PGM2L1: variants seen among roughly 807,000 people sequenced by gnomAD.
PGM2L1 encodes glucose 1,6-bisphosphate synthase.
In PGM2L1, 35 loss-of-function variants were observed where a neutral mutation model predicts 73.4. The ratio of observed to expected loss-of-function variants is 0.48; its 90% CI spans 0.36 to 0.63. The LOEUF (loss-of-function observed/expected upper bound fraction) is 0.63, where lower values mean the gene tolerates loss of function less well. Among genes scored for constraint, PGM2L1 ranks in the 30% least tolerant of loss-of-function variants. PGM2L1 has a pLI of 0.00. For synonymous variants in PGM2L1, 225 were observed against 253.8 expected (o/e 0.89, Z 1.08); for missense variants, 570 against 742.0 (o/e 0.77, Z 2.69).
chr11:74,374,535 C>T lies in PGM2L1; in HGVS notation c.159G>A (p.Met53Ile), dbSNP rs1426437803. The T allele has an allele frequency of 1.2e-6, 2 of 1,614,032 alleles. No homozygotes were observed. The highest frequency in any genetic ancestry group is 1.3e-5 in the African/African-American group (1 of 74,930). Residue 53 changes from methionine to isoleucine, a missense_variant, in exon 2 of 14, where the codon ATG becomes ATA. By Grantham distance (10) the Met-to-Ile change is conservative. Transcript: ENST00000298198. ...EQIENLLRNGMNKELRDRLCC... is the reference protein window; with the variant it reads ...EQIENLLRNGINKELRDRLCC... ...AAAGACGATCTCGCAGCTCCTTGTTCATCCCATTCCGTAACAGGTTTTCAA... is the reference window on the plus strand; with the variant it reads ...AAAGACGATCTCGCAGCTCCTTGTTTATCCCATTCCGTAACAGGTTTTCAA...
intron 5 of PGM2L1, among the ~76,000 whole-genome samples, chr11:74,360,621 C>A (rs1376000560): frequency 4.6e-5 from 7 of 152,146 alleles, no homozygotes. Context: ...TCGCCTCACC[C>A]AGGAAGCGCA....
At chr11:74,354,024 C>A (rs1458709632) in intron 5 of PGM2L1, among the ~76,000 whole-genome samples, 1 of 151,970 alleles carries the variant, frequency 6.6e-6, no homozygotes, top group Non-Finnish European at 1.5e-5. Flanking sequence ...AAATCCTATT[C>A]TTTCTCTCTG....
chr11:74,336,550 A>G lies in PGM2L1; in HGVS notation c.*102T>C. The G allele has an allele frequency of 1.6e-6, 1 of 635,616 alleles. No homozygotes were observed. 39.4% of individuals were successfully genotyped at this position (635,616 alleles called of 1,614,324 possible). On this transcript the variant is annotated 3_prime_UTR_variant, in exon 14 of 14. Transcript: ENST00000298198. ...AATAAAAGGAAAAAGATACTCGGCC[A>G]GATGAGATAGAGAGAGAATGCTAAC...
intron 1 of PGM2L1, among the ~76,000 whole-genome samples, chr11:74,391,088 AT>A: frequency 6.6e-6 from 1 of 152,208 alleles, no homozygotes; most frequent in African/African-American, 2.4e-5. Flanking sequence ...AGTTGGCTTC[AT>A]TTTTAGACCA....
chr11:74,384,418 A>G (rs1862992188), intron 1 of PGM2L1, among the ~76,000 whole-genome samples: 3 of 151,900 alleles, frequency 2.0e-5, no homozygotes, highest in African/African-American at 7.2e-5. Context: ...TGATCTTGAC[A>G]ATCTTAGTTA....
At chr11:74,364,107 CA>C (rs1328501488) in intron 5 of PGM2L1, among the ~76,000 whole-genome samples, 2 of 152,152 alleles carry the variant, frequency 1.3e-5, no homozygotes, top group Non-Finnish European at 2.9e-5. Context: ...GAACCAAAGA[CA>C]AAAACCACAT....
At chr11:74,355,920 C>T (rs1468543879) in intron 5 of PGM2L1, among the ~76,000 whole-genome samples, 1 of 151,920 alleles carries the variant, frequency 6.6e-6, no homozygotes, top group East Asian at 1.9e-4. Flanking sequence ...AATTGTGTAA[C>T]AAGTTATTTT....
At chr11:74,376,404 CCA>C (rs911166841) in intron 1 of PGM2L1, among the ~76,000 whole-genome samples, 8 of 151,586 alleles carry the variant, frequency 5.3e-5, no homozygotes, top group Non-Finnish European at 1.2e-4. Context: ...CAATTTAACT[CCA>C]GTTACAAAGC....
chr11:74,393,159 T>C lies in PGM2L1; in HGVS notation c.111+4892A>G, dbSNP rs982068142. Among the ~76,000 whole-genome samples the C allele has an allele frequency of 7.2e-5, 11 of 152,338 alleles. 1 individual carries two copies. Among genetic ancestry groups the C allele is most frequent in the Admixed American group, 6.5e-4 (10 of 15,306 alleles). On this transcript the variant is annotated intron_variant, in intron 1 of 13. Coordinates refer to ENST00000298198, the MANE Select transcript of PGM2L1 (RefSeq NM_173582.6). Reference sequence around the variant, plus strand: ...ACACTACAAAAATAAATTCAAGGAATAAGGACTAGCATTTCCCAAAAGTAA... The same window carrying C: ...ACACTACAAAAATAAATTCAAGGAACAAGGACTAGCATTTCCCAAAAGTAA...
chr11:74,371,123 ATT>A, intron 3 of PGM2L1, 137 bp from the exon 4 acceptor site: 2 of 506,066 alleles, frequency 4.0e-6, no homozygotes, highest in South Asian at 5.3e-5. Flanking sequence ...ATCACTGATT[ATT>A]TAAACTTCAT....
In PGM2L1 at chr11:74,336,160, AC is replaced by A. The variant is rs1862091977; in HGVS notation, c.*491del. ...CAAATACTCTAATTTGTAAATTAAT[AC>A]CTGTGATGTCACAATGACACTTTTT... On this transcript the variant is annotated 3_prime_UTR_variant, in exon 14 of 14. Coordinates refer to ENST00000298198, the MANE Select transcript of PGM2L1 (RefSeq NM_173582.6). 6.6e-6 allele frequency: 1 copy of A among 152,258 alleles called. No homozygotes were observed. The highest frequency in any genetic ancestry group is 1.5e-5 in the Non-Finnish European group (1 of 68,060). The allele number at this position is 152,258 out of a possible 1,614,324, so 9.4% of individuals were successfully genotyped here.
At chr11:74,346,889 T>G in intron 7 of PGM2L1, 60 bp from the exon 8 acceptor site, 1 of 1,275,904 alleles carries the variant, frequency 7.8e-7, no homozygotes, top group Non-Finnish European at 1.1e-6. Flanking sequence ...ATGTTAACGT[T>G]CCTGTATGTA....
At chr11:74,378,481 G>A (rs1862890494) in intron 1 of PGM2L1, among the ~76,000 whole-genome samples, 1 of 152,044 alleles carries the variant, frequency 6.6e-6, no homozygotes, top group Non-Finnish European at 1.5e-5. Context: ...AAATCCAAAA[G>A]ATCTTAGTGA....
In PGM2L1 at chr11:74,331,314, G is replaced by A. The variant is rs1862009635; in HGVS notation, c.*5338C>T. 1.4e-5 allele frequency: 2 copies of A among 140,940 alleles called. No individual in the cohort carries two copies. Among genetic ancestry groups the A allele is most frequent in the Non-Finnish European group, 3.0e-5 (2 of 66,558 alleles). 8.7% of individuals were successfully genotyped at this position (140,940 alleles called of 1,614,324 possible). A position where few individuals can be genotyped will look rare whatever the true frequency, so the allele number is the denominator to read the frequency against. Reference sequence around the variant, plus strand: ...TTTCACTCTTGTTGCCCAGGCTGGAGTGCAACGGCGCGATCTTGGCTCACC... The same window carrying A: ...TTTCACTCTTGTTGCCCAGGCTGGAATGCAACGGCGCGATCTTGGCTCACC... On this transcript the variant is annotated 3_prime_UTR_variant, in exon 14 of 14. Coordinates refer to ENST00000298198, the MANE Select transcript of PGM2L1 (RefSeq NM_173582.6).
Position 74,333,818 on chromosome 11 carries a change from C to A in PGM2L1, c.*2834G>T, listed in dbSNP as rs1225689688. ...ATGCTTTGATCTTGCCCTACTAATT[C>A]TCTCCTTTTCTCCAAAGCTTTAGAA... is the stretch of plus-strand genomic sequence containing the variant. On this transcript the variant is annotated 3_prime_UTR_variant, in exon 14 of 14. Transcript: ENST00000298198. 1 of 152,200 alleles carries A rather than the reference C, an allele frequency of 6.6e-6. No homozygotes were observed. The highest frequency in any genetic ancestry group is 1.5e-5 in the Non-Finnish European group (1 of 68,038). The allele number at this position is 152,200 out of a possible 1,614,324, so 9.4% of individuals were successfully genotyped here.
chr11:74,372,921 A>G (rs1414594739), intron 2 of PGM2L1, among the ~76,000 whole-genome samples: 1 of 152,196 alleles, frequency 6.6e-6, no homozygotes, highest in Non-Finnish European at 1.5e-5. Flanking sequence ...TGGTGATACT[A>G]TCCTAAAACC....
At chr11:74,371,574 TTAAAG>T in intron 3 of PGM2L1, 132 bp downstream of exon 3, 1 of 611,310 alleles carries the variant, frequency 1.6e-6, no homozygotes, top group South Asian at 2.3e-5. Flanking sequence ...TATTTCAGCT[TTAAAG>T]TAAATATTAG....
At chr11:74,380,844 C>T (rs1862932265) in intron 1 of PGM2L1, among the ~76,000 whole-genome samples, 1 of 152,112 alleles carries the variant, frequency 6.6e-6, no homozygotes, top group African/African-American at 2.4e-5. Flanking sequence ...ACTATTCTGA[C>T]ACATCATACT....
At chr11:74,371,228 C>T (rs1441598144) in intron 3 of PGM2L1, among the ~76,000 whole-genome samples, 1 of 152,110 alleles carries the variant, frequency 6.6e-6, no homozygotes. Context: ...CTTTTTCCCT[C>T]ATTCATCTTT....
Sources: gnomAD v4.1 joint callset for allele counts (sites outside exome capture counted in the v4.1 genomes callset) on GRCh38, gnomAD v4.1.1 for gene constraint, MANE v1.5 for transcripts, NCBI Gene and HGNC (gene_info 2026-07-23, HGNC 2026-07-21) for gene names.